CELF2: variants seen among roughly 807,000 people sequenced by gnomAD.
The protein encoded by CELF2 is CUGBP Elav-like family member 2.
Under a neutral mutation model 62.6 loss-of-function variants are expected in CELF2, and 8 were observed. The observed-to-expected ratio is 0.13, with a 90% CI of 0.07 to 0.23. The LOEUF (loss-of-function observed/expected upper bound fraction) is 0.23. Ranked by LOEUF, CELF2 falls within the 10% of genes least tolerant of loss-of-function variation. The probability of loss-of-function intolerance (pLI) is 1.00; values close to 1 mark genes in which losing one functional copy is unlikely to be tolerated. For missense variants in CELF2, 333 were observed against 671.0 expected (o/e 0.50, Z 5.56); for synonymous variants, 258 against 250.0 (o/e 1.03, Z -0.30).
rs890027082 is a variant in CELF2, at chr10:11,255,406, A to G, written c.404-2332A>G. Among the ~76,000 whole-genome samples the G allele has an allele frequency of 2.6e-5, 4 of 152,074 alleles. No homozygotes were observed. Among genetic ancestry groups the G allele is most frequent in the African/African-American group, 9.7e-5 (4 of 41,404 alleles). On this transcript the variant is annotated intron_variant, in intron 4 of 12. Transcript: ENST00000633077. The surrounding 1 kb of genome is among the most constrained non-coding windows in gnomAD (Gnocchi z 5.5). ...TCCTGAGGTCGGGCTGCTTTCCGCCATCCACCCAAGCCAGGTCCCTACTGC... is the reference window on the plus strand; with the variant it reads ...TCCTGAGGTCGGGCTGCTTTCCGCCGTCCACCCAAGCCAGGTCCCTACTGC...
Position 11,321,140 on chromosome 10 carries a change from T to A in CELF2, c.1097-49T>A. ...TTCTCTAACTTCCTTTGGAAAGCAC[T>A]AATGAATAAGTGCTGTTTCTCTTCT... is the stretch of plus-strand genomic sequence containing the variant. On this transcript the variant is annotated intron_variant, in intron 10 of 12. Coordinates refer to ENST00000633077, the MANE Select transcript of CELF2 (RefSeq NM_001326342.2). This position sits in a 1 kb window ranked among gnomAD's most constrained non-coding sequence, Gnocchi z 6.2. The A allele has an allele frequency of 6.3e-7, 1 of 1,584,080 alleles. No individual in the cohort carries two copies. Among genetic ancestry groups the A allele is most frequent in the East Asian group, 2.2e-5 (1 of 44,686 alleles).
At chr10:10,869,068 G>A (rs1344841433) in intron 1 of CELF2, among the ~76,000 whole-genome samples, 3 of 152,062 alleles carry the variant, frequency 2.0e-5, no homozygotes, top group Non-Finnish European at 2.9e-5. Flanking sequence ...TGTCTAGAAA[G>A]CAAAAACTTT....
At chr10:11,235,285 A>G (rs1000223316) in intron 3 of CELF2, among the ~76,000 whole-genome samples, 3 of 152,226 alleles carry the variant, frequency 2.0e-5, no homozygotes, top group African/African-American at 7.2e-5. Context: ...TGCTGTCAAT[A>G]AAGAGTTCTT....
the CELF2 span, among the ~76,000 whole-genome samples, chr10:10,597,655 T>C: frequency 6.6e-6 from 1 of 152,228 alleles, no homozygotes; most frequent in Non-Finnish European, 1.5e-5. Flanking sequence ...TTATAGTTGA[T>C]TCCAAGTTAA....
At chr10:11,028,417 T>C (rs1021124140) in intron 1 of CELF2, among the ~76,000 whole-genome samples, 1 of 71,984 alleles carries the variant, frequency 1.4e-5, no homozygotes, top group African/African-American at 3.6e-5. Context: ...TTTTCTTTTC[T>C]TTTTCTTTTT....
intron 4 of CELF2, among the ~76,000 whole-genome samples, chr10:11,250,393 A>G (rs2076788603): frequency 6.6e-6 from 1 of 152,236 alleles, no homozygotes; most frequent in African/African-American, 2.4e-5. Context: ...TGGTGCTTTA[A>G]CCACTGTCTT....
chr10:10,925,952 C>T (rs1564830074), intron 2 of CELF2, among the ~76,000 whole-genome samples: 2 of 152,190 alleles, frequency 1.3e-5, no homozygotes, highest in African/African-American at 4.8e-5. Flanking sequence ...CCCCTACCTC[C>T]TCACCTTTTC....
the CELF2 span, among the ~76,000 whole-genome samples, chr10:10,678,065 ACT>A: frequency 6.6e-6 from 1 of 151,708 alleles, no homozygotes; most frequent in Non-Finnish European, 1.5e-5. Context: ...CTGTGACAAA[ACT>A]CTCTGCTTCT....
chr10:10,752,688 CAAAAAA>C, the CELF2 span, among the ~76,000 whole-genome samples: 1 of 58,982 alleles, frequency 1.7e-5, no homozygotes, highest in East Asian at 4.2e-4. Flanking sequence ...GACTCCGTCT[CAAAAAA>C]AAAAAAAAAA....
At chr10:11,021,727 G>A (rs1206161574) in intron 1 of CELF2, among the ~76,000 whole-genome samples, 2 of 152,202 alleles carry the variant, frequency 1.3e-5, no homozygotes. Context: ...CAAAACTGTG[G>A]TTTTCAAGTA....
At chr10:10,569,514 T>G in the CELF2 span, among the ~76,000 whole-genome samples, 2 of 152,122 alleles carry the variant, frequency 1.3e-5, no homozygotes, top group Non-Finnish European at 2.9e-5. Context: ...GAGATTTGGG[T>G]GGAGACACAG....
At chr10:10,560,451 T>C in the CELF2 span, among the ~76,000 whole-genome samples, 1 of 152,224 alleles carries the variant, frequency 6.6e-6, no homozygotes, top group Admixed American at 6.5e-5. Flanking sequence ...TCCAGCTTTC[T>C]ACCTGGCAGG....
chr10:10,738,805 G>T, the CELF2 span, among the ~76,000 whole-genome samples: 1 of 152,148 alleles, frequency 6.6e-6, no homozygotes, highest in Non-Finnish European at 1.5e-5. Flanking sequence ...GTGATATCTT[G>T]GATGGGATCA....
At chr10:11,317,201 T>A (rs1328987234) in intron 10 of CELF2, 2 of 151,276 alleles carry the variant, frequency 1.3e-5, no homozygotes, top group Non-Finnish European at 2.9e-5. Flanking sequence ...CAGCTGCAGA[T>A]GCCTGGTGAA....
intron 2 of CELF2, among the ~76,000 whole-genome samples, chr10:11,174,587 G>A (rs1341124892): frequency 6.6e-6 from 1 of 152,164 alleles, no homozygotes; most frequent in African/African-American, 2.4e-5. Context: ...TAGGAATTAG[G>A]GAGAAGAATT....
upstream of CELF2, among the ~76,000 whole-genome samples, chr10:11,002,682 G>A (rs911292729): frequency 6.6e-6 from 1 of 152,156 alleles, no homozygotes; most frequent in African/African-American, 2.4e-5. This position sits in a 1 kb window ranked among gnomAD's most constrained non-coding sequence, Gnocchi z 4.4. Context: ...ATGTTGTCAT[G>A]GGGATTAAAT....
the CELF2 span, among the ~76,000 whole-genome samples, chr10:10,791,132 T>C: frequency 6.6e-6 from 1 of 152,226 alleles, no homozygotes; most frequent in Non-Finnish European, 1.5e-5. Context: ...CAGATCTTTC[T>C]ACTTACAACT....
chr10:11,186,085 A>G (rs2074790420), intron 2 of CELF2, among the ~76,000 whole-genome samples: 1 of 152,214 alleles, frequency 6.6e-6, no homozygotes, highest in East Asian at 1.9e-4. Flanking sequence ...ATGTCCATTT[A>G]CCCTACGTGG....
At chr10:10,869,283 G>T (rs947653941) in intron 1 of CELF2, among the ~76,000 whole-genome samples, 1 of 152,132 alleles carries the variant, frequency 6.6e-6, no homozygotes, top group African/African-American at 2.4e-5. Flanking sequence ...AAAATAACAG[G>T]TGGGGCGCGG....
Sources: allele counts gnomAD v4.1 joint callset (sites outside exome capture counted in the v4.1 genomes callset), GRCh38; gene constraint gnomAD v4.1.1; non-coding constraint Gnocchi (gnomAD v3.1); transcripts MANE v1.5; gene names NCBI Gene and HGNC (gene_info 2026-07-23, HGNC 2026-07-21).